The following ERC2 variants were observed in gnomAD, a reference collection of about 807,000 sequenced individuals.
ERC2 encodes the protein ELKS/RAB6-interacting/CAST family member 2, also known as ERC protein 2.
Under a neutral mutation model 114.8 loss-of-function variants are expected in ERC2, and 42 were observed. The ratio of observed to expected loss-of-function variants is 0.37; its 90% confidence interval spans 0.29 to 0.47. ERC2 has a LOEUF of 0.47. Ranked by LOEUF, ERC2 falls within the 20% of genes least tolerant of loss-of-function variation. The pLI is 0.99. For missense variants in ERC2, 939 were observed against 1,150.7 expected (o/e 0.82, Z 2.66); for synonymous variants, 454 against 425.5 (o/e 1.07, Z -0.82).
At chr3:55,513,293 T>C (rs2107139149) in intron 17 of ERC2, among the ~76,000 whole-genome samples, 1 of 152,340 alleles carries the variant, frequency 6.6e-6, no homozygotes, top group African/African-American at 2.4e-5. Context: ...CGAGGCCCCA[T>C]CTGGCCTCTC....
At chr3:55,746,693 G>T (rs1478576246) in intron 14 of ERC2, among the ~76,000 whole-genome samples, 4 of 152,260 alleles carry the variant, frequency 2.6e-5, no homozygotes, top group South Asian at 2.1e-4. Context: ...TGTGCTGCAG[G>T]TGATGGTGGT....
intron 2 of ERC2, among the ~76,000 whole-genome samples, chr3:56,344,450 T>C (rs1446076337): frequency 1.3e-5 from 2 of 152,142 alleles, no homozygotes; most frequent in African/African-American, 4.8e-5. Flanking sequence ...GGTCTGTCTT[T>C]AATCAGTGTC....
intron 12 of ERC2, among the ~76,000 whole-genome samples, chr3:55,958,355 A>C (rs2068110472): frequency 6.6e-6 from 1 of 152,160 alleles, no homozygotes; most frequent in Non-Finnish European, 1.5e-5. Context: ...AGAAGGGAGA[A>C]AGTGCATGCT....
At position 55,928,707 on chromosome 3, in the gene ERC2, C is replaced by T. The variant is rs534915415; in HGVS notation, c.2403+21718G>A. ...CCAGTCCAATGTCCTGGAGAGTTTC[C>T]CCAGTGTTTTCTTTTAGGAGAGTCA... is the stretch of plus-strand genomic sequence containing the variant. On this transcript the variant is annotated intron_variant, in intron 13 of 17. Coordinates refer to ENST00000288221, the MANE Select transcript of ERC2 (RefSeq NM_015576.3). Among the ~76,000 whole-genome samples the T allele has an allele frequency of 7.2e-5, 11 of 152,174 alleles. No individual in the cohort carries two copies. In the South Asian group the frequency reaches 2.1e-3, roughly 29 times the overall value.
intron 17 of ERC2, among the ~76,000 whole-genome samples, chr3:55,636,782 T>C (rs923764470): frequency 6.6e-5 from 10 of 152,198 alleles, no homozygotes; most frequent in African/African-American, 9.6e-5. Context: ...GGGCACTGAA[T>C]CTGGCCCGCA....
intron 2 of ERC2, among the ~76,000 whole-genome samples, chr3:56,318,692 T>A (rs2056983595): frequency 6.6e-6 from 1 of 151,510 alleles, no homozygotes; most frequent in South Asian, 2.1e-4. Context: ...AACATGTATA[T>A]GAAACAGATG....
chr3:55,830,285 G>A (rs1269106319), intron 14 of ERC2, among the ~76,000 whole-genome samples: 2 of 152,108 alleles, frequency 1.3e-5, no homozygotes, highest in African/African-American at 2.4e-5. Context: ...GGCAAATTCA[G>A]AGAATTTATC....
chr3:55,707,000 G>C (rs932455408), intron 15 of ERC2, among the ~76,000 whole-genome samples: 1 of 152,226 alleles, frequency 6.6e-6, no homozygotes, highest in African/African-American at 2.4e-5. Context: ...ATGGGCAAGA[G>C]AGGGAAGAAT....
At chr3:55,935,635 T>C (rs11712398) in intron 13 of ERC2, among the ~76,000 whole-genome samples, 93,753 of 152,072 alleles carry the variant, frequency 0.62, 29,650 homozygotes, top group Non-Finnish European at 0.66. Flanking sequence ...GAGAACCTGC[T>C]GGCTCATTTT....
At chr3:56,155,495 C>A (rs1455780554) in intron 4 of ERC2, among the ~76,000 whole-genome samples, 1 of 152,006 alleles carries the variant, frequency 6.6e-6, no homozygotes, top group African/African-American at 2.4e-5. Flanking sequence ...ACATTTGAAC[C>A]ATCCACTCTC....
At chr3:55,766,490 GC>G (rs1246551029) in intron 14 of ERC2, among the ~76,000 whole-genome samples, 1 of 152,112 alleles carries the variant, frequency 6.6e-6, no homozygotes, top group Non-Finnish European at 1.5e-5. Context: ...CAGTATGCAA[GC>G]TTTCCTGCCC....
intron 3 of ERC2, among the ~76,000 whole-genome samples, chr3:56,185,676 G>A (rs2083553730): frequency 6.6e-6 from 1 of 152,090 alleles, no homozygotes; most frequent in Non-Finnish European, 1.5e-5. Flanking sequence ...AATGTAGTGG[G>A]CAGAATAAAA....
intron 13 of ERC2, among the ~76,000 whole-genome samples, chr3:55,928,552 C>A (rs538779461): frequency 7.9e-5 from 12 of 152,198 alleles, no homozygotes; most frequent in African/African-American, 2.6e-4. Flanking sequence ...ATTTCCCATT[C>A]TGTAGGCTGT....
intron 10 of ERC2, among the ~76,000 whole-genome samples, chr3:55,997,906 T>TG (rs2071687829): frequency 2.7e-5 from 1 of 37,636 alleles, no homozygotes; most frequent in African/African-American, 9.3e-5. Context: ...TTTTTTTTTT[T>TG]TGTGTGTGTG....
chr3:56,016,542 C>T (rs550684826), intron 8 of ERC2, among the ~76,000 whole-genome samples: 2 of 151,602 alleles, frequency 1.3e-5, no homozygotes, highest in African/African-American at 2.4e-5. Flanking sequence ...GTTTACATCA[C>T]GATGACTTGG....
Position 55,968,648 on chromosome 3 carries a change from C to T in ERC2, c.2267+17329G>A, listed in dbSNP as rs2068926964. On this transcript the variant is annotated intron_variant, in intron 12 of 17. Coordinates refer to ENST00000288221, the MANE Select transcript of ERC2 (RefSeq NM_015576.3). Reference sequence around the variant, plus strand: ...GAAAGGAATTATTCAAAGTATGTGACCTTTGCACAAAAATGATACACGTTT... The same window carrying T: ...GAAAGGAATTATTCAAAGTATGTGATCTTTGCACAAAAATGATACACGTTT... Among the ~76,000 whole-genome samples, 6 of 152,242 alleles carry T rather than the reference C, an allele frequency of 3.9e-5. No homozygotes were observed. In the South Asian group the frequency reaches 1.0e-3, roughly 26 times the overall value.
chr3:55,894,905 A>C (rs1035192265), intron 13 of ERC2, among the ~76,000 whole-genome samples: 4 of 152,222 alleles, frequency 2.6e-5, no homozygotes, highest in African/African-American at 9.6e-5. Flanking sequence ...TACAGTGCCT[A>C]GTAATTATTC....
At chr3:56,121,670 T>C (rs1575498634) in intron 6 of ERC2, among the ~76,000 whole-genome samples, 1 of 152,252 alleles carries the variant, frequency 6.6e-6, no homozygotes, top group African/African-American at 2.4e-5. Flanking sequence ...ATCTTTTGCA[T>C]GTTTAATTAA....
At chr3:55,961,853 CAAA>C (rs56292252) in intron 12 of ERC2, among the ~76,000 whole-genome samples, 3 of 136,410 alleles carry the variant, frequency 2.2e-5, no homozygotes, top group Non-Finnish European at 3.1e-5. Flanking sequence ...GATACCCAGT[CAAA>C]AAAAAAAAAA....
Sources: gnomAD v4.1 joint callset for allele counts (sites outside exome capture counted in the v4.1 genomes callset) on GRCh38, gnomAD v4.1.1 for gene constraint, MANE v1.5 for transcripts, NCBI Gene and HGNC (gene_info 2026-07-23, HGNC 2026-07-21) for gene names.